The following SORCS2 variants were observed in gnomAD, a reference collection of about 807,000 sequenced individuals.
SORCS2 encodes sortilin related VPS10 domain containing receptor 2, also known as VPS10 domain-containing receptor SorCS2.
A neutral mutation model predicts 141.6 loss-of-function variants in SORCS2; 100 were observed. That is an observed-to-expected ratio of 0.71 (90% confidence interval 0.60 to 0.83). The LOEUF is 0.83. Among genes scored for constraint, SORCS2 ranks in the 40% least tolerant of loss-of-function variants. The probability of loss-of-function intolerance (pLI) is 0.00; values close to 1 mark genes in which losing one functional copy is unlikely to be tolerated. For missense variants in SORCS2, 1,646 were observed against 1,560.2 expected (o/e 1.05, Z -0.93); for synonymous variants, 789 against 676.9 (o/e 1.17, Z -2.57).
chr4:7,451,675 A>T (rs1240765859), intron 2 of SORCS2, among the ~76,000 whole-genome samples: 1 of 152,252 alleles, frequency 6.6e-6, no homozygotes, highest in Non-Finnish European at 1.5e-5. Context: ...AACTGCCACC[A>T]TAGGGATTCT....
intron 3 of SORCS2, among the ~76,000 whole-genome samples, chr4:7,608,431 G>A (rs1335331132): frequency 2.0e-5 from 3 of 152,146 alleles, no homozygotes; most frequent in Admixed American, 6.5e-5. Flanking sequence ...CACATACCAG[G>A]GGCCATCTCT....
intron 18 of SORCS2, among the ~76,000 whole-genome samples, chr4:7,720,736 C>T (rs947457415): frequency 1.3e-5 from 2 of 152,136 alleles, no homozygotes; most frequent in East Asian, 1.9e-4. Flanking sequence ...GGTAAGCACA[C>T]GAAAAGATGA....
chr4:7,383,916 A>G (rs1290477265), intron 1 of SORCS2, among the ~76,000 whole-genome samples: 1 of 152,272 alleles, frequency 6.6e-6, no homozygotes, highest in African/African-American at 2.4e-5. Flanking sequence ...ATTAAAATAT[A>G]CATTATCCCT....
At chr4:7,496,956 T>G (rs1352135816) in intron 2 of SORCS2, among the ~76,000 whole-genome samples, 1 of 152,226 alleles carries the variant, frequency 6.6e-6, no homozygotes, top group Non-Finnish European at 1.5e-5. Flanking sequence ...CTTCTGTGAT[T>G]GCCTGGCATG....
In SORCS2 at chr4:7,338,421, A is replaced by AGGATGGATGGATGGAT. The variant is rs71173495; in HGVS notation, c.481-57857_481-57842dup. On this transcript the variant is annotated intron_variant, in intron 1 of 26. Transcript: ENST00000507866. Reference sequence around the variant, plus strand: ...GATGGTTGGATGTCGGTTGGATGGAAGGATGGATGGATGGATGGATGGATG... The same window carrying AGGATGGATGGATGGAT: ...GATGGTTGGATGTCGGTTGGATGGAAGGATGGATGGATGGATGGATGGATGGATGGATGGATGGATG... Among the ~76,000 whole-genome samples the AGGATGGATGGATGGAT allele has an allele frequency of 6.2e-3, 927 of 148,674 alleles. 8 individuals are homozygous for AGGATGGATGGATGGAT. The highest frequency in any genetic ancestry group is 0.018 in the African/African-American group (738 of 40,066).
chr4:7,225,763 C>G (rs975370445), intron 1 of SORCS2, among the ~76,000 whole-genome samples: 9 of 152,184 alleles, frequency 5.9e-5, no homozygotes, highest in Admixed American at 1.3e-4. Flanking sequence ...TCTCGGGGCC[C>G]CTGTGGTGGT....
chr4:7,367,542 T>A (rs1721976663), intron 1 of SORCS2, among the ~76,000 whole-genome samples: 1 of 152,222 alleles, frequency 6.6e-6, no homozygotes. Context: ...GCGCCCGGGA[T>A]GCAAGAGCTA....
chr4:7,597,955 A>G (rs1426912599), intron 3 of SORCS2, among the ~76,000 whole-genome samples: 4 of 144,754 alleles, frequency 2.8e-5, no homozygotes, highest in African/African-American at 7.7e-5. Context: ...ATGACAGTTC[A>G]GCTAATCTTT....
chr4:7,572,401 C>T (rs894365927), intron 3 of SORCS2, among the ~76,000 whole-genome samples: 6 of 148,850 alleles, frequency 4.0e-5, no homozygotes, highest in Admixed American at 1.3e-4. Context: ...TAATCATTTA[C>T]GTTTAATCAT....
intron 1 of SORCS2, among the ~76,000 whole-genome samples, chr4:7,342,963 T>A (rs1160166967): frequency 2.0e-5 from 3 of 152,152 alleles, no homozygotes; most frequent in Non-Finnish European, 4.4e-5. Flanking sequence ...TGTGTGGCCT[T>A]CAGAGGTACA....
At chr4:7,308,964 A>G (rs1718014079) in intron 1 of SORCS2, among the ~76,000 whole-genome samples, 1 of 152,092 alleles carries the variant, frequency 6.6e-6, no homozygotes, top group Non-Finnish European at 1.5e-5. Context: ...TACTGAGAAG[A>G]GTTCTGGGGC....
chr4:7,603,179 AGAGGGGGAGGGG>A (rs566297533), intron 3 of SORCS2, among the ~76,000 whole-genome samples: 4 of 145,754 alleles, frequency 2.7e-5, no homozygotes, highest in Non-Finnish European at 6.0e-5. Context: ...CCATGGAAAG[AGAGGGGGAGGGG>A]GAGGGGGAGA....
At chr4:7,654,248 C>G in intron 5 of SORCS2, 41 bp downstream of exon 5, 3 of 1,546,940 alleles carry the variant, frequency 1.9e-6, no homozygotes, top group Non-Finnish European at 2.6e-6. Flanking sequence ...GGGCCCGCAG[C>G]TCTGGTGAGA....
chr4:7,268,408 C>A (rs930300760), intron 1 of SORCS2, among the ~76,000 whole-genome samples: 1 of 152,154 alleles, frequency 6.6e-6, no homozygotes, highest in Non-Finnish European at 1.5e-5. Flanking sequence ...GGCCACTTAA[C>A]AATCCCTCAA....
intron 1 of SORCS2, among the ~76,000 whole-genome samples, chr4:7,296,131 C>A (rs1398787061): frequency 6.6e-6 from 1 of 152,224 alleles, no homozygotes; most frequent in Non-Finnish European, 1.5e-5. Context: ...TGCAGTGACA[C>A]CTGCTGGTCG....
At chr4:7,223,033 C>A (rs1368442156) in intron 1 of SORCS2, among the ~76,000 whole-genome samples, 1 of 152,186 alleles carries the variant, frequency 6.6e-6, no homozygotes, top group Non-Finnish European at 1.5e-5. Context: ...GCTGAAATCC[C>A]AGACTTCCTG....
At chr4:7,551,885 C>G (rs1713732537) in intron 3 of SORCS2, among the ~76,000 whole-genome samples, 1 of 152,168 alleles carries the variant, frequency 6.6e-6, no homozygotes, top group Non-Finnish European at 1.5e-5. Flanking sequence ...ACAAATAATA[C>G]CACCGTGTAA....
chr4:7,271,671 G>A (rs899400072), intron 1 of SORCS2, among the ~76,000 whole-genome samples: 12 of 152,252 alleles, frequency 7.9e-5, no homozygotes, highest in African/African-American at 2.9e-4. Flanking sequence ...TGCGTTTGCT[G>A]TGGTGTCCTC....
intron 2 of SORCS2, among the ~76,000 whole-genome samples, chr4:7,480,126 C>A (rs1473192745): frequency 1.3e-5 from 2 of 152,206 alleles, no homozygotes; most frequent in Non-Finnish European, 2.9e-5. Context: ...TCAGGGTGGG[C>A]CTGGAGTGGA....
Sources: allele counts gnomAD v4.1 joint callset (sites outside exome capture counted in the v4.1 genomes callset), GRCh38; gene constraint gnomAD v4.1.1; transcripts MANE v1.5; gene names NCBI Gene and HGNC (gene_info 2026-07-23, HGNC 2026-07-21).